GLB1: variants seen among roughly 807,000 people sequenced by gnomAD.
GLB1 encodes the protein beta-galactosidase.
GLB1 carries 56 observed loss-of-function variants against 74.0 expected under a neutral mutation model. The ratio of observed to expected loss-of-function variants is 0.76; its 90% CI spans 0.61 to 0.94. GLB1 has a LOEUF of 0.94. GLB1 is among the 40% of genes least tolerant of loss of function. The pLI, the probability that GLB1 is intolerant of heterozygous loss-of-function variation, is 0.00. For missense variants in GLB1, 787 were observed against 845.5 expected (o/e 0.93, Z 0.86); for synonymous variants, 323 against 323.6 (o/e 1.00, Z 0.02).
intron 1 of GLB1, chr3:33,091,018 C>T (rs1045278438): frequency 2.2e-5 from 22 of 985,268 alleles, no homozygotes; most frequent in African/African-American, 1.9e-4. Context: ...TGAAATAACA[C>T]GTAACAGGTG....
chr3:32,972,548 C>T, the GLB1 span, among the ~76,000 whole-genome samples: 1 of 152,152 alleles, frequency 6.6e-6, no homozygotes, highest in Non-Finnish European at 1.5e-5. Context: ...TTCATCCTCC[C>T]TTGCCTTTTA....
chr3:33,019,933 G>C (rs1216471071), intron 12 of GLB1, among the ~76,000 whole-genome samples: 1 of 152,120 alleles, frequency 6.6e-6, no homozygotes, highest in Non-Finnish European at 1.5e-5. Flanking sequence ...AAGAGCCAGG[G>C]CCCAGGAAGC....
At chr3:32,982,611 A>G in the GLB1 span, among the ~76,000 whole-genome samples, 11 of 152,216 alleles carry the variant, frequency 7.2e-5, no homozygotes, top group African/African-American at 2.7e-4. Flanking sequence ...TTATGCAATT[A>G]CAATGTTATA....
chr3:33,010,956 G>A (rs901890492), intron 15 of GLB1, among the ~76,000 whole-genome samples: 10 of 151,984 alleles, frequency 6.6e-5, no homozygotes, highest in African/African-American at 2.2e-4. Flanking sequence ...TTCCAGGTTC[G>A]AGAGATTCTC....
At chr3:32,982,702 G>A in the GLB1 span, among the ~76,000 whole-genome samples, 1 of 152,030 alleles carries the variant, frequency 6.6e-6, no homozygotes, top group African/African-American at 2.4e-5. Context: ...TTATACACAG[G>A]TTTACCACTC....
intron 1 of GLB1, among the ~76,000 whole-genome samples, chr3:33,088,312 A>G (rs1225573891): frequency 1.3e-5 from 2 of 151,810 alleles, no homozygotes; most frequent in Non-Finnish European, 2.9e-5. Flanking sequence ...AGAAAGGAGA[A>G]GTAAAATGAT....
intron 9 of GLB1, among the ~76,000 whole-genome samples, chr3:33,048,947 G>A (rs1375354574): frequency 1.3e-5 from 2 of 152,192 alleles, no homozygotes; most frequent in African/African-American, 4.8e-5. Context: ...AACAGAGGAA[G>A]AAAGGGGAAT....
At chr3:33,011,258 T>C (rs4343578) in intron 15 of GLB1, among the ~76,000 whole-genome samples, 34,445 of 151,856 alleles carry the variant, frequency 0.23, 4,197 homozygotes, top group African/African-American at 0.3. Context: ...CTTGTAATCC[T>C]AGCACTTTTC....
At chr3:33,066,499 C>T (rs1699690011) in intron 4 of GLB1, among the ~76,000 whole-genome samples, 1 of 152,172 alleles carries the variant, frequency 6.6e-6, no homozygotes, top group Non-Finnish European at 1.5e-5. Flanking sequence ...AGCCCCTCCA[C>T]CTTGAACTTC....
the GLB1 span, among the ~76,000 whole-genome samples, chr3:32,980,268 C>T: frequency 1.3e-5 from 2 of 152,184 alleles, no homozygotes; most frequent in Non-Finnish European, 2.9e-5. Flanking sequence ...TTCAGGCTTG[C>T]CTGGAATTCC....
the GLB1 span, among the ~76,000 whole-genome samples, chr3:32,980,600 G>A: frequency 2.6e-5 from 4 of 152,174 alleles, no homozygotes; most frequent in African/African-American, 9.6e-5. Flanking sequence ...GGCCAGCATG[G>A]TGAACCCCTG....
At chr3:32,999,441 C>A (rs1449782244) in intron 15 of GLB1, among the ~76,000 whole-genome samples, 2 of 152,302 alleles carry the variant, frequency 1.3e-5, no homozygotes, top group Non-Finnish European at 2.9e-5. Context: ...ACAGGCCAAG[C>A]CAACTCTTGA....
Position 32,996,760 on chromosome 3 carries a change from G to T in GLB1, c.*285C>A. ...AGTACAAATTTTATTTAACAAAAAG[G>T]TAACATGATTCTTCCAAAATAAAAA... is the stretch of plus-strand genomic sequence containing the variant. On this transcript the variant is annotated 3_prime_UTR_variant, in exon 16 of 16. Transcript: ENST00000307363. 1 of 438,328 alleles carries T rather than the reference G, an allele frequency of 2.3e-6. No individual in the cohort carries two copies. Among genetic ancestry groups the T allele is most frequent in the Non-Finnish European group, 4.2e-6 (1 of 239,850 alleles). The allele number at this position is 438,328 out of a possible 1,614,324, so 27.2% of individuals were successfully genotyped here.
At chr3:33,021,416 G>A (rs1697475500) in intron 12 of GLB1, 150 bp downstream of exon 12, 1 of 886,568 alleles carries the variant, frequency 1.1e-6, no homozygotes, top group East Asian at 2.6e-5. Context: ...AAGCTAAAGA[G>A]AGCCTGGAAA....
chr3:32,994,132 A>C (rs182892649), downstream of GLB1, among the ~76,000 whole-genome samples: 2 of 152,336 alleles, frequency 1.3e-5, no homozygotes, highest in Admixed American at 6.5e-5. Context: ...ATGGATGTTC[A>C]TATCAGCATT....
chr3:33,094,450 C>G, intron 1 of GLB1: 1 of 984,090 alleles, frequency 1.0e-6, no homozygotes, highest in African/African-American at 1.6e-5. Context: ...CTTTATTATT[C>G]AAAAAGAAAC....
intron 1 of GLB1, chr3:33,092,510 G>A (rs943274804): frequency 1.5e-5 from 17 of 1,098,716 alleles, no homozygotes; most frequent in South Asian, 7.9e-5. Flanking sequence ...TAGCAACCCC[G>A]AGGGGAGGTT....
intron 14 of GLB1, 66 bp from the exon 15 acceptor site, chr3:33,014,376 A>G: frequency 6.3e-7 from 1 of 1,587,574 alleles, no homozygotes; most frequent in East Asian, 2.3e-5. Context: ...ATGTCTCTGC[A>G]TTCCAGGGAA....
rs114923953 is a variant in GLB1, at chr3:33,029,549, C to T, written c.1069-5224G>A. On this transcript the variant is annotated intron_variant, in intron 10 of 15. Transcript: ENST00000307363. ...TCACTAGTAAAGACACGGAATCAAC[C>T]TAAATGACAATCAATGGTAGACTGG... is the stretch of plus-strand genomic sequence containing the variant. Among the ~76,000 whole-genome samples, 1,521 of 152,204 alleles carry T rather than the reference C, an allele frequency of 1.0e-2. 34 individuals carry two copies. Among genetic ancestry groups the T allele is most frequent in the African/African-American group, 0.035 (1,435 of 41,534 alleles).
Sources: allele counts gnomAD v4.1 joint callset (sites outside exome capture counted in the v4.1 genomes callset), GRCh38; gene constraint gnomAD v4.1.1; transcripts MANE v1.5; gene names NCBI Gene and HGNC (gene_info 2026-07-23, HGNC 2026-07-21).